The following PDZRN4 variants were observed in gnomAD, a reference collection of about 807,000 sequenced individuals.
The protein encoded by PDZRN4 is PDZ domain-containing RING finger protein 4.
Under a neutral mutation model 99.0 loss-of-function variants are expected in PDZRN4, and 70 were observed. That is an observed-to-expected ratio of 0.71 (90% CI 0.58 to 0.86). The LOEUF is 0.86. Among genes scored for constraint, PDZRN4 ranks in the 40% least tolerant of loss-of-function variants. PDZRN4 has a pLI of 0.00. For missense variants in PDZRN4, 1,474 were observed against 1,331.2 expected (o/e 1.11, Z -1.67); for synonymous variants, 551 against 501.6 (o/e 1.10, Z -1.32).
chr12:41,525,323 C>G (rs1938550732), intron 5 of PDZRN4, among the ~76,000 whole-genome samples: 1 of 152,116 alleles, frequency 6.6e-6, no homozygotes, highest in Non-Finnish European at 1.5e-5. Context: ...CTGGAATCAG[C>G]CTGAAGTGAA....
At chr12:41,464,519 G>A (rs1413457363) in intron 3 of PDZRN4, among the ~76,000 whole-genome samples, 1 of 152,160 alleles carries the variant, frequency 6.6e-6, no homozygotes, top group East Asian at 1.9e-4. Flanking sequence ...TATGCATTCT[G>A]AAATTGTAGT....
chr12:41,347,282 T>C (rs1430800012), intron 3 of PDZRN4, among the ~76,000 whole-genome samples: 1 of 152,174 alleles, frequency 6.6e-6, no homozygotes, highest in Non-Finnish European at 1.5e-5. Flanking sequence ...ATTGGGATTC[T>C]AGTTTCACCA....
chr12:41,567,853 A>G lies in PDZRN4; in HGVS notation c.1538A>G (p.Glu513Gly). The G allele has an allele frequency of 6.2e-7, 1 of 1,613,688 alleles. No individual in the cohort carries two copies. Among genetic ancestry groups the G allele is most frequent in the Non-Finnish European group, 8.5e-7 (1 of 1,179,710 alleles). Residue 513 changes from glutamate to glycine, a missense_variant, in exon 9 of 10, where the codon GAA becomes GGA. Coordinates refer to ENST00000402685, the MANE Select transcript of PDZRN4 (RefSeq NM_001164595.2). ...GAGTTAAACTTGGAGATGTTGGAAG[A>G]AGAGCATAATGAAGCAATGCAGCCC... ...LEELNLEMLE[E>G]EHNEAMQPTA...
At chr12:41,234,932 T>C (rs1951055698) in intron 3 of PDZRN4, among the ~76,000 whole-genome samples, 1 of 152,060 alleles carries the variant, frequency 6.6e-6, no homozygotes, top group Admixed American at 6.6e-5. Flanking sequence ...GATGCATTCC[T>C]GGCACTCCTC....
chr12:41,560,774 G>T (rs1421870469), intron 7 of PDZRN4, among the ~76,000 whole-genome samples: 1 of 152,134 alleles, frequency 6.6e-6, no homozygotes, highest in Admixed American at 6.6e-5. Context: ...ATCTGATTCT[G>T]TTCCTCAATT....
intron 3 of PDZRN4, among the ~76,000 whole-genome samples, chr12:41,203,362 C>T (rs1181957529): frequency 6.6e-6 from 1 of 151,888 alleles, no homozygotes; most frequent in African/African-American, 2.4e-5. Flanking sequence ...TGAAAGGACT[C>T]TTACAGGAAA....
At chr12:41,382,054 G>T (rs1952131650) in intron 3 of PDZRN4, among the ~76,000 whole-genome samples, 1 of 152,112 alleles carries the variant, frequency 6.6e-6, no homozygotes, top group African/African-American at 2.4e-5. Context: ...TCTGCATTCA[G>T]GCTTGGCTCC....
intron 7 of PDZRN4, 47 bp downstream of exon 7, chr12:41,555,807 G>T: frequency 1.4e-6 from 2 of 1,414,966 alleles, no homozygotes; most frequent in South Asian, 2.3e-5. Flanking sequence ...TCTGTCCAAA[G>T]TTACTATTTT....
At chr12:41,200,419 A>G (rs146920992) in intron 3 of PDZRN4, among the ~76,000 whole-genome samples, 1 of 152,272 alleles carries the variant, frequency 6.6e-6, no homozygotes, top group African/African-American at 2.4e-5. Context: ...ACAAAAAAAG[A>G]CTGGAAAGAT....
At chr12:41,363,061 T>C (rs958522646) in intron 3 of PDZRN4, among the ~76,000 whole-genome samples, 1 of 152,060 alleles carries the variant, frequency 6.6e-6, no homozygotes, top group African/African-American at 2.4e-5. Context: ...CCCCACAGTT[T>C]GAGAGCATGA....
At chr12:41,541,105 T>C (rs1295225582) in intron 5 of PDZRN4, among the ~76,000 whole-genome samples, 1 of 151,928 alleles carries the variant, frequency 6.6e-6, no homozygotes, top group Non-Finnish European at 1.5e-5. Context: ...TTTCTTTTTG[T>C]ATTTTTAGTA....
chr12:41,368,719 A>G (rs1404826343), intron 3 of PDZRN4, among the ~76,000 whole-genome samples: 1 of 151,994 alleles, frequency 6.6e-6, no homozygotes, highest in East Asian at 1.9e-4. Flanking sequence ...ACATTATGAT[A>G]TTATTTGTTC....
chr12:41,380,086 T>C (rs1952113118), intron 3 of PDZRN4, among the ~76,000 whole-genome samples: 1 of 152,086 alleles, frequency 6.6e-6, no homozygotes, highest in African/African-American at 2.4e-5. Context: ...TCTTTAATAT[T>C]ATATATTTAC....
In PDZRN4 at chr12:41,188,726, T is replaced by G; in HGVS notation, c.271T>G (p.Ser91Ala). ...CDYRARGCGH[S>A]VRLHELEAHV... ...CTACCGCGCCCGCGGCTGCGGCCAC[T>G]CGGTCAGGCTGCACGAGCTGGAGGC... Residue 91 changes from serine (S) to alanine (A), a missense_variant, in exon 1 of 10, where the codon TCG (serine) becomes GCG (alanine). Coordinates refer to ENST00000402685, the MANE Select transcript of PDZRN4 (RefSeq NM_001164595.2). The G allele has an allele frequency of 1.3e-6, 2 of 1,554,730 alleles. No homozygotes were observed. The highest frequency in any genetic ancestry group is 1.2e-5 in the South Asian group (1 of 84,644).
At chr12:41,439,340 C>CT (rs1296559965) in intron 3 of PDZRN4, among the ~76,000 whole-genome samples, 4 of 152,114 alleles carry the variant, frequency 2.6e-5, no homozygotes, top group African/African-American at 7.2e-5. Flanking sequence ...AAAACAGTCT[C>CT]TAGGTGGAAC....
At chr12:41,358,393 T>C (rs1230424608) in intron 3 of PDZRN4, among the ~76,000 whole-genome samples, 1 of 152,072 alleles carries the variant, frequency 6.6e-6, no homozygotes, top group Non-Finnish European at 1.5e-5. Flanking sequence ...TTATTCATTT[T>C]ATTAATAGCA....
intron 3 of PDZRN4, among the ~76,000 whole-genome samples, chr12:41,229,837 G>A (rs1591977101): frequency 2.6e-5 from 4 of 151,984 alleles, no homozygotes; most frequent in South Asian, 4.1e-4. Flanking sequence ...TTCTTACTAG[G>A]AAGAGACTCT....
At chr12:41,468,055 T>A (rs910080444) in intron 3 of PDZRN4, among the ~76,000 whole-genome samples, 1 of 152,140 alleles carries the variant, frequency 6.6e-6, no homozygotes, top group African/African-American at 2.4e-5. Flanking sequence ...AGAAACCCCA[T>A]GGTCTTACAT....
rs578219267 is a variant in PDZRN4, at chr12:41,518,835, C to T, written c.1203+8922C>T. ...ATGGTGGCATGCATCTGTGGTCCCA[C>T]CTAGTCAAGAGACTGAGGTGGGAGG... is the stretch of plus-strand genomic sequence containing the variant. On this transcript the variant is annotated intron_variant, in intron 5 of 9. Coordinates refer to ENST00000402685, the MANE Select transcript of PDZRN4 (RefSeq NM_001164595.2). Among the ~76,000 whole-genome samples the T allele has an allele frequency of 5.4e-3, 815 of 152,066 alleles. 8 individuals carry two copies. Among genetic ancestry groups the T allele is most frequent in the African/African-American group, 0.018 (760 of 41,522 alleles).
Sources: allele counts gnomAD v4.1 joint callset (sites outside exome capture counted in the v4.1 genomes callset), GRCh38; gene constraint gnomAD v4.1.1; transcripts MANE v1.5; gene names NCBI Gene and HGNC (gene_info 2026-07-23, HGNC 2026-07-21).